PCOLCE2: variants seen among roughly 807,000 people sequenced by gnomAD.
PCOLCE2 encodes procollagen C-endopeptidase enhancer 2, also known as procollagen C-proteinase enhancer 2.
A neutral mutation model predicts 47.0 loss-of-function variants in PCOLCE2; 42 were observed. The ratio of observed to expected loss-of-function variants is 0.89; its 90% CI spans 0.70 to 1.16. The LOEUF (loss-of-function observed/expected upper bound fraction) is 1.16. PCOLCE2 is among the 50% of genes most tolerant of loss of function. PCOLCE2 has a pLI of 0.00. For synonymous variants in PCOLCE2, 169 were observed against 191.7 expected, an observed-to-expected ratio of 0.88 and a Z score of 0.98; for missense variants, 500 against 526.1, an observed-to-expected ratio of 0.95 and a Z score of 0.49.
intron 3 of PCOLCE2, among the ~76,000 whole-genome samples, chr3:142,843,590 C>T (rs1480565929): frequency 6.6e-6 from 1 of 151,650 alleles, no homozygotes; most frequent in Non-Finnish European, 1.5e-5. Context: ...AGGAAGGAAG[C>T]AAAAATATAC....
At chr3:142,834,894 A>C (rs1937185946) in intron 5 of PCOLCE2, among the ~76,000 whole-genome samples, 1 of 152,170 alleles carries the variant, frequency 6.6e-6, no homozygotes, top group African/African-American at 2.4e-5. Context: ...CAGTATTAGA[A>C]ATGTCTGTAC....
intron 4 of PCOLCE2, among the ~76,000 whole-genome samples, chr3:142,841,991 G>A (rs1937268077): frequency 6.6e-6 from 1 of 152,208 alleles, no homozygotes; most frequent in Non-Finnish European, 1.5e-5. Flanking sequence ...AGTTGTATAT[G>A]TAACCACAAA....
chr3:142,844,789 A>G (rs1320979942), intron 3 of PCOLCE2, among the ~76,000 whole-genome samples: 2 of 152,204 alleles, frequency 1.3e-5, no homozygotes, highest in African/African-American at 4.8e-5. Context: ...TATATTCTGA[A>G]TACAAGTTCT....
At chr3:142,874,651 T>C (rs1933463109) in intron 2 of PCOLCE2, among the ~76,000 whole-genome samples, 1 of 152,236 alleles carries the variant, frequency 6.6e-6, no homozygotes, top group African/African-American at 2.4e-5. Flanking sequence ...TCTATGCTGT[T>C]CTGCCCAGAA....
chr3:142,839,151 T>C (rs1937237434), intron 4 of PCOLCE2, among the ~76,000 whole-genome samples: 1 of 152,214 alleles, frequency 6.6e-6, no homozygotes, highest in Non-Finnish European at 1.5e-5. Flanking sequence ...AGTTAGGATA[T>C]TCAACTTAAG....
In PCOLCE2 at chr3:142,839,464, C is replaced by T. The variant is rs148373059; in HGVS notation, c.574-558G>A. On this transcript the variant is annotated intron_variant, in intron 4 of 8. Coordinates refer to ENST00000295992, the MANE Select transcript of PCOLCE2 (RefSeq NM_013363.4). ...AGTAGCTGGAGTTTCAGGTGCCCGC[C>T]ACCACACTCAGCTAATTTTTGTATT... Among the ~76,000 whole-genome samples, 128 of 152,224 alleles carry T rather than the reference C, an allele frequency of 8.4e-4. 1 individual carries two copies. In the East Asian group the frequency reaches 0.022, roughly 26 times the overall value.
intron 2 of PCOLCE2, among the ~76,000 whole-genome samples, chr3:142,855,863 G>A (rs1933050359): frequency 6.6e-6 from 1 of 152,166 alleles, no homozygotes; most frequent in South Asian, 2.1e-4. Context: ...CCACTGCACT[G>A]GACGGTGAAG....
At chr3:142,883,689 T>C (rs553262189) in intron 2 of PCOLCE2, among the ~76,000 whole-genome samples, 2 of 145,948 alleles carry the variant, frequency 1.4e-5, no homozygotes, top group East Asian at 2.0e-4. Flanking sequence ...AACGTATGTC[T>C]ACTTTTCTTT....
intron 2 of PCOLCE2, among the ~76,000 whole-genome samples, chr3:142,849,099 G>A (rs1937362933): frequency 6.6e-6 from 1 of 151,640 alleles, no homozygotes; most frequent in Non-Finnish European, 1.5e-5. Context: ...CTTGCAGTGA[G>A]CCGAGATCGC....
At chr3:142,818,504 TG>T in intron 8 of PCOLCE2, 39 bp from the exon 9 acceptor site, 1 of 1,509,208 alleles carries the variant, frequency 6.6e-7, no homozygotes, top group Non-Finnish European at 9.2e-7. Context: ...TTTTTCTCTA[TG>T]TATCATGTGT....
intron 2 of PCOLCE2, among the ~76,000 whole-genome samples, chr3:142,851,909 G>C (rs983525218): frequency 1.3e-5 from 2 of 152,104 alleles, no homozygotes; most frequent in African/African-American, 2.4e-5. Flanking sequence ...TACAGGACTT[G>C]GATGCTCATT....
intron 3 of PCOLCE2, among the ~76,000 whole-genome samples, chr3:142,847,482 T>G (rs146253638): frequency 1.3e-5 from 2 of 152,210 alleles, no homozygotes; most frequent in Non-Finnish European, 2.9e-5. Flanking sequence ...CTTTCAAAAG[T>G]AGAGATTTCT....
rs1414304734 is a variant in PCOLCE2 at position 142,818,423 on chromosome 3, C to T, written c.1160G>A (p.Arg387Gln). The change falls in exon 9 of 9, where the codon CGA becomes CAA. Residue 387 changes from arginine (R) to glutamine (Q), a missense_variant. Arg to Gln is a conservative substitution (Grantham distance 43, BLOSUM62 1). Transcript: ENST00000295992. ...IIMGQVGEDG[R>Q]GKIMPNSFIM... ...AAAGCTGTTTGGCATGATTTTGCCT[C>T]GCCCATCTTCACCTACTTGGCCCAT... 1.4e-5 allele frequency: 23 copies of T among 1,612,500 alleles called. No individual in the cohort carries two copies. The highest frequency in any genetic ancestry group is 2.7e-5 in the African/African-American group (2 of 74,826).
In PCOLCE2 at chr3:142,861,353, C is replaced by T. The variant is rs554456987; in HGVS notation, c.193-12881G>A. On this transcript the variant is annotated intron_variant, in intron 2 of 8. Coordinates refer to ENST00000295992, the MANE Select transcript of PCOLCE2 (RefSeq NM_013363.4). The stretch of plus-strand genomic sequence containing the variant: ...TGATAACTCCCTCCTCTCCAAATTC[C>T]CTGTTCTTTCTTTTTAGAACTCTCG... Among the ~76,000 whole-genome samples, 12 of 152,282 alleles carry T rather than the reference C, an allele frequency of 7.9e-5. No individual in the cohort carries two copies. The South Asian group carries it at 1.9e-3, about 24-fold the overall frequency.
At chr3:142,854,861 A>G (rs1933033910) in intron 2 of PCOLCE2, among the ~76,000 whole-genome samples, 1 of 152,212 alleles carries the variant, frequency 6.6e-6, no homozygotes, top group African/African-American at 2.4e-5. Flanking sequence ...TATGAAGTTG[A>G]TATTATTATT....
intron 2 of PCOLCE2, among the ~76,000 whole-genome samples, chr3:142,862,274 C>T (rs930267041): frequency 6.6e-6 from 1 of 152,170 alleles, no homozygotes; most frequent in African/African-American, 2.4e-5. Context: ...AACCAGGTGC[C>T]TCCAGCTCCA....
At chr3:142,871,165 C>A (rs1933380568) in intron 2 of PCOLCE2, among the ~76,000 whole-genome samples, 1 of 152,126 alleles carries the variant, frequency 6.6e-6, no homozygotes, top group Non-Finnish European at 1.5e-5. Context: ...TCGTCTTGTC[C>A]ATTAATAATT....
At chr3:142,886,011 C>G (rs1037541875) in intron 2 of PCOLCE2, among the ~76,000 whole-genome samples, 1 of 152,210 alleles carries the variant, frequency 6.6e-6, no homozygotes, top group Non-Finnish European at 1.5e-5. Flanking sequence ...TCACAGTAAT[C>G]CTAAGGTTTA....
At chr3:142,864,741 C>G (rs1394780300) in intron 2 of PCOLCE2, among the ~76,000 whole-genome samples, 5 of 152,190 alleles carry the variant, frequency 3.3e-5, no homozygotes, top group Non-Finnish European at 7.3e-5. Flanking sequence ...TCTGGACATT[C>G]ATATGAATGG....
Sources: allele counts gnomAD v4.1 joint callset (sites outside exome capture counted in the v4.1 genomes callset), GRCh38; gene constraint gnomAD v4.1.1; transcripts MANE v1.5; gene names NCBI Gene and HGNC (gene_info 2026-07-23, HGNC 2026-07-21).